CLGN: variants seen among roughly 807,000 people sequenced by gnomAD.
CLGN encodes the protein testis tissue sperm-binding protein Li 79P.
A neutral mutation model predicts 79.1 loss-of-function variants in CLGN; 62 were observed. The observed-to-expected ratio is 0.78, with a 90% CI of 0.64 to 0.97. The LOEUF (loss-of-function observed/expected upper bound fraction) is 0.97, where lower values mean the gene tolerates loss of function less well. Among genes scored for constraint, CLGN ranks in the 50% least tolerant of loss-of-function variants. The pLI is 0.00. For synonymous variants in CLGN, 225 were observed against 224.7 expected (o/e 1.00, Z -0.01); for missense variants, 647 against 715.5 (o/e 0.90, Z 1.09).
intron 8 of CLGN, among the ~76,000 whole-genome samples, chr4:140,397,212 CA>C (rs1728907635): frequency 6.6e-6 from 1 of 151,866 alleles, no homozygotes; most frequent in Non-Finnish European, 1.5e-5. Context: ...CAGCAGCATG[CA>C]AAAGTACCTA....
intron 1 of CLGN, among the ~76,000 whole-genome samples, chr4:140,417,099 C>A (rs1287016391): frequency 1.4e-5 from 2 of 145,934 alleles, no homozygotes; most frequent in East Asian, 4.0e-4. Flanking sequence ...AAGACAAAAA[C>A]CACATGATTA....
At chr4:140,419,874 A>T (rs917185925) in intron 1 of CLGN, among the ~76,000 whole-genome samples, 6 of 152,132 alleles carry the variant, frequency 3.9e-5, no homozygotes, top group African/African-American at 1.4e-4. Context: ...TTTCCTAGTT[A>T]TTGGCACAGA....
intron 1 of CLGN, among the ~76,000 whole-genome samples, chr4:140,415,094 C>T (rs1209683150): frequency 1.3e-5 from 2 of 151,930 alleles, no homozygotes; most frequent in Admixed American, 6.6e-5. Context: ...CATATCCAGC[C>T]AAACTAAGCT....
chr4:140,390,634 C>T lies in CLGN; in HGVS notation c.1746G>A (p.Glu582=). The T allele has an allele frequency of 6.3e-7, 1 of 1,585,388 alleles. No homozygotes were observed. Among genetic ancestry groups the T allele is most frequent in the African/African-American group, 1.4e-5 (1 of 73,854 alleles). The change falls in exon 14 of 15, where the codon GAG becomes GAA. Residue 582 remains glutamate (E), a synonymous_variant. Coordinates refer to ENST00000325617, the MANE Select transcript of CLGN (RefSeq NM_004362.3). ...CCAGCTTATTTTCTGTTACCTCATC[C>T]TCTGACCCAGACTTATTTGATTGAT... is the stretch of plus-strand genomic sequence containing the variant. ...ESNQSNKSGS[E]DEMKEADEST...
At position 140,414,271 on chromosome 4, in the gene CLGN, G is replaced by A. The variant is rs192460387; in HGVS notation, c.-9-1184C>T. Among the ~76,000 whole-genome samples the A allele has an allele frequency of 1.5e-3, 227 of 152,254 alleles. 2 individuals carry two copies. Among genetic ancestry groups the A allele is most frequent in the Middle Eastern group, 6.8e-3 (2 of 294 alleles). On this transcript the variant is annotated intron_variant, in intron 1 of 14. Transcript: ENST00000325617. ...GGGGGAAAACAGAACAGAAAAACTG[G>A]AAACTCTAAAAAGCAGAGCGCCTCT...
Position 140,392,203 on chromosome 4 carries a change from A to C in CLGN, c.1651+16T>G. The C allele has an allele frequency of 1.2e-6, 2 of 1,609,476 alleles. No individual in the cohort carries two copies. The highest frequency in any genetic ancestry group is 1.7e-6 in the Non-Finnish European group (2 of 1,178,380). On this transcript the variant is annotated intron_variant, in intron 13 of 14. Coordinates refer to ENST00000325617, the MANE Select transcript of CLGN (RefSeq NM_004362.3). ...TTACCCAGAGTCTCCATTATAAATC[A>C]CTCTCATCATCTTACCTTTTTCAAG...
At chr4:140,418,730 T>C (rs918116666) in intron 1 of CLGN, among the ~76,000 whole-genome samples, 4 of 149,984 alleles carry the variant, frequency 2.7e-5, no homozygotes, top group South Asian at 2.1e-4. Context: ...TGTGGAGAAA[T>C]AGGAACACTT....
chr4:140,410,638 A>AT lies in CLGN; in HGVS notation c.145-13dup, dbSNP rs765837219. 1 of 1,456,082 alleles carries AT rather than the reference A, an allele frequency of 6.9e-7. No individual in the cohort carries two copies. The highest frequency in any genetic ancestry group is 9.6e-7 in the Non-Finnish European group (1 of 1,044,000). 90.2% of individuals were successfully genotyped at this position (1,456,082 alleles called of 1,614,324 possible). ...GTCTTATATTTAATCTAGAAAAGAG[A>AT]TTTTCCAAGTCTAAAGTTATTCATT... On this transcript the variant is annotated splice_polypyrimidine_tract_variant and intron_variant, in intron 2 of 14. Coordinates refer to ENST00000325617, the MANE Select transcript of CLGN (RefSeq NM_004362.3).
chr4:140,389,358 A>C, intron 14 of CLGN, 54 bp from the exon 15 acceptor site: 1 of 1,227,458 alleles, frequency 8.1e-7, no homozygotes, highest in Non-Finnish European at 1.2e-6. Flanking sequence ...TAACTAGTAG[A>C]TAGTAGTAAA....
intron 2 of CLGN, among the ~76,000 whole-genome samples, 157 bp downstream of exon 2, chr4:140,412,778 A>G (rs1456124863): frequency 6.6e-6 from 1 of 152,228 alleles, no homozygotes; most frequent in African/African-American, 2.4e-5. Flanking sequence ...TGGGCACTCT[A>G]AAAATTAAAG....
chr4:140,404,655 C>G (rs532528673), intron 5 of CLGN, among the ~76,000 whole-genome samples: 1 of 148,502 alleles, frequency 6.7e-6, no homozygotes, highest in Non-Finnish European at 1.5e-5. Flanking sequence ...CTTTTTTTTT[C>G]TTTCTTTCTT....
At chr4:140,390,983 CA>C (rs1390546444) in intron 13 of CLGN, among the ~76,000 whole-genome samples, 3 of 151,468 alleles carry the variant, frequency 2.0e-5, no homozygotes, top group Admixed American at 1.3e-4. Flanking sequence ...ATATGAAAAC[CA>C]AAAAATAATA....
intron 1 of CLGN, among the ~76,000 whole-genome samples, chr4:140,416,479 A>T (rs11728615): frequency 1.3e-5 from 2 of 151,874 alleles, no homozygotes; most frequent in Non-Finnish European, 2.9e-5. Flanking sequence ...AAAAAAAGAG[A>T]GAAGAATCTA....
intron 13 of CLGN, among the ~76,000 whole-genome samples, chr4:140,391,002 C>T (rs1450143904): frequency 2.0e-5 from 3 of 151,560 alleles, no homozygotes; most frequent in African/African-American, 7.3e-5. Context: ...ATAATCTTTC[C>T]TGTGTTCCTG....
intron 5 of CLGN, among the ~76,000 whole-genome samples, chr4:140,403,115 C>T (rs1388657436): frequency 6.6e-6 from 1 of 152,066 alleles, no homozygotes; most frequent in Non-Finnish European, 1.5e-5. Context: ...TTCTCCTATA[C>T]TTTTTACCAT....
At position 140,396,078 on chromosome 4, in the gene CLGN, T is replaced by C. The variant is rs764671020; in HGVS notation, c.998+14A>G. ...AACATTTGAAATCGACATTTGAAGATGAAGAGTGCTTACCAGTCATCAGGT... is the reference window on the plus strand; with the variant it reads ...AACATTTGAAATCGACATTTGAAGACGAAGAGTGCTTACCAGTCATCAGGT... On this transcript the variant is annotated intron_variant, in intron 9 of 14. Transcript: ENST00000325617. 7 of 1,612,370 alleles carry C rather than the reference T, an allele frequency of 4.3e-6. No homozygotes were observed. The highest frequency in any genetic ancestry group is 1.7e-5 in the Admixed American group (1 of 59,950).
chr4:140,424,736 AT>A (rs1424079956), intron 1 of CLGN, among the ~76,000 whole-genome samples: 1 of 152,214 alleles, frequency 6.6e-6, no homozygotes, highest in Non-Finnish European at 1.5e-5. Flanking sequence ...AGATCACTAA[AT>A]ATCAGTTGTG....
chr4:140,416,764 G>C (rs1034795869), intron 1 of CLGN, among the ~76,000 whole-genome samples: 4 of 152,212 alleles, frequency 2.6e-5, no homozygotes, highest in South Asian at 2.1e-4. Context: ...TGAATTCTAC[G>C]AGAGGTACAA....
intron 4 of CLGN, among the ~76,000 whole-genome samples, chr4:140,408,964 T>C (rs1172729164): frequency 6.6e-6 from 1 of 151,388 alleles, no homozygotes; most frequent in Non-Finnish European, 1.5e-5. Flanking sequence ...TGTGTATATA[T>C]ATACACAGGG....
Sources: allele counts gnomAD v4.1 joint callset (sites outside exome capture counted in the v4.1 genomes callset), GRCh38; gene constraint gnomAD v4.1.1; transcripts MANE v1.5; gene names NCBI Gene and HGNC (gene_info 2026-07-23, HGNC 2026-07-21).